Variants in COL22A1 observed in about 807,000 individuals in gnomAD.
COL22A1 encodes collagen type XXII alpha 1 chain.
In COL22A1, 221 loss-of-function variants were observed where a neutral mutation model predicts 248.9. That is an observed-to-expected ratio of 0.89 (90% CI 0.80 to 0.99). The LOEUF (loss-of-function observed/expected upper bound fraction) is 0.99. COL22A1 is among the 50% of genes least tolerant of loss of function. The probability of loss-of-function intolerance (pLI) is 0.00; values close to 1 mark genes in which losing one functional copy is unlikely to be tolerated. For missense variants in COL22A1, 2,240 were observed against 2,179.0 expected (o/e 1.03, Z -0.56); for synonymous variants, 891 against 793.4 (o/e 1.12, Z -2.07).
At chr8:138,881,186 C>T (rs1000820387) in intron 2 of COL22A1, among the ~76,000 whole-genome samples, 20 of 151,620 alleles carry the variant, frequency 1.3e-4, no homozygotes, top group African/African-American at 4.8e-4. Context: ...TGTGCATTGG[C>T]TGTGCATTTG....
At chr8:138,879,709 A>AG (rs1161522950) in intron 2 of COL22A1, among the ~76,000 whole-genome samples, 29 of 146,836 alleles carry the variant, frequency 2.0e-4, no homozygotes, top group East Asian at 1.4e-3. Context: ...AAAAAAAAAA[A>AG]AAAAAGAAGA....
rs1166143202 is a variant in COL22A1, at chr8:138,679,751, C to T, written c.3013-75G>A. On this transcript the variant is annotated intron_variant, in intron 39 of 64. Transcript: ENST00000303045. Reference sequence around the variant, plus strand: ...AAGCACCTAAAATAATTCAGCCCCTCTGTTAGGTACTGGATCTATGCATCT... The same window carrying T: ...AAGCACCTAAAATAATTCAGCCCCTTTGTTAGGTACTGGATCTATGCATCT... The T allele has an allele frequency of 3.8e-6, 5 of 1,303,440 alleles. No homozygotes were observed. In the African/African-American group the frequency reaches 6.0e-5, roughly 16 times the overall value. 80.7% of individuals were successfully genotyped at this position (1,303,440 alleles called of 1,614,324 possible).
chr8:138,760,582 G>A lies in COL22A1; in HGVS notation c.1858-295C>T, dbSNP rs995306821. On this transcript the variant is annotated intron_variant, in intron 17 of 64. Coordinates refer to ENST00000303045, the MANE Select transcript of COL22A1 (RefSeq NM_152888.3). ...CTTCCTTAGGGATATGAGGGCCTGG[G>A]CAAGAGGAAGAAGAAGCACATAACC... Among the ~76,000 whole-genome samples the A allele has an allele frequency of 3.3e-5, 5 of 152,008 alleles. No individual in the cohort carries two copies. The South Asian group carries it at 6.2e-4, about 19-fold the overall frequency.
intron 9 of COL22A1, among the ~76,000 whole-genome samples, chr8:138,810,095 A>G (rs1182513139): frequency 1.3e-5 from 2 of 152,164 alleles, no homozygotes; most frequent in Admixed American, 1.3e-4. Flanking sequence ...TAAATGAATA[A>G]CTATTGAATG....
At chr8:138,646,504 C>A (rs4909439) in intron 47 of COL22A1, 125 bp downstream of exon 47, 1 of 668,126 alleles carries the variant, frequency 1.5e-6, no homozygotes, top group South Asian at 2.9e-5. Flanking sequence ...TGCTTAGACC[C>A]AGAACAGGGG....
intron 16 of COL22A1, among the ~76,000 whole-genome samples, chr8:138,774,745 G>T (rs1290416526): frequency 6.6e-6 from 1 of 152,202 alleles, no homozygotes; most frequent in Non-Finnish European, 1.5e-5. Context: ...TGAAAAACTG[G>T]AAACAATTGT....
intron 3 of COL22A1, among the ~76,000 whole-genome samples, chr8:138,863,850 T>C (rs907824539): frequency 3.3e-5 from 5 of 152,138 alleles, no homozygotes; most frequent in Non-Finnish European, 4.4e-5. Flanking sequence ...ATGCAGGAGA[T>C]TTTTGCTTGC....
At chr8:138,886,542 A>G (rs1041149794) in intron 1 of COL22A1, among the ~76,000 whole-genome samples, 1 of 152,246 alleles carries the variant, frequency 6.6e-6, no homozygotes, top group East Asian at 1.9e-4. Context: ...TTCTGAGCAT[A>G]GGATCATCCA....
chr8:138,767,227 G>T (rs1003981284), intron 16 of COL22A1, among the ~76,000 whole-genome samples: 4 of 152,202 alleles, frequency 2.6e-5, no homozygotes, highest in African/African-American at 9.7e-5. Context: ...CAGTCAGTTA[G>T]GCCAAACGAA....
chr8:138,780,404 G>A (rs559945387), intron 13 of COL22A1, among the ~76,000 whole-genome samples: 2 of 152,290 alleles, frequency 1.3e-5, no homozygotes, highest in African/African-American at 4.8e-5. Flanking sequence ...ATGTGTACTT[G>A]GATGCTTGGT....
At chr8:138,597,032 T>C in intron 61 of COL22A1, 62 bp from the exon 62 acceptor site, 1 of 1,453,554 alleles carries the variant, frequency 6.9e-7, no homozygotes, top group Non-Finnish European at 9.6e-7. Context: ...CTAAGAACCC[T>C]GAGGACTTGG....
chr8:138,636,828 A>G, intron 47 of COL22A1, 33 bp from the exon 48 acceptor site: 3 of 1,565,108 alleles, frequency 1.9e-6, no homozygotes, highest in Non-Finnish European at 2.6e-6. Context: ...GAAAGATGTC[A>G]CTGGAAATTT....
At chr8:138,898,313 A>G (rs1402005570) in intron 1 of COL22A1, among the ~76,000 whole-genome samples, 12 of 152,180 alleles carry the variant, frequency 7.9e-5, no homozygotes, top group Non-Finnish European at 1.8e-4. Flanking sequence ...TTCTCCAGAA[A>G]TGGAAACACC....
At chr8:138,787,805 G>T (rs1815671682) in intron 12 of COL22A1, among the ~76,000 whole-genome samples, 1 of 152,058 alleles carries the variant, frequency 6.6e-6, no homozygotes, top group Non-Finnish European at 1.5e-5. Context: ...CTTCCTCCAT[G>T]ATCTCATTTG....
At chr8:138,591,333 T>C (rs1332791064) in intron 64 of COL22A1, 91 bp downstream of exon 64, 20 of 793,288 alleles carry the variant, frequency 2.5e-5, no homozygotes, top group Non-Finnish European at 3.6e-5. Flanking sequence ...TCCTCTCCGC[T>C]CACTGCTGAG....
chr8:138,660,964 GCA>G (rs780914817), intron 43 of COL22A1, among the ~76,000 whole-genome samples: 1 of 123,152 alleles, frequency 8.1e-6, no homozygotes, highest in East Asian at 2.2e-4. Context: ...AGACACACAC[GCA>G]CACACACATA....
Position 138,602,075 on chromosome 8 carries a change from C to G in COL22A1, c.4185+40G>C, listed in dbSNP as rs749551709. On this transcript the variant is annotated intron_variant, in intron 60 of 64. Transcript: ENST00000303045. ...CATCCTGTGGCCACTGTGCAAAGGT[C>G]GCGTTCGGCGTGTTCAAGGTGCCTG... 9.9e-6 allele frequency: 16 copies of G among 1,612,142 alleles called. No homozygotes were observed. The East Asian group carries it at 2.7e-4, about 27-fold the overall frequency.
intron 3 of COL22A1, among the ~76,000 whole-genome samples, chr8:138,847,732 G>A (rs78159709): frequency 0.015 from 2,339 of 151,988 alleles, 58 homozygotes; most frequent in African/African-American, 0.051. Context: ...AATGTTTGGG[G>A]GACTGTCTAG....
intron 4 of COL22A1, among the ~76,000 whole-genome samples, chr8:138,838,741 A>G (rs140309600): frequency 1.5e-4 from 23 of 152,216 alleles, no homozygotes; most frequent in Admixed American, 7.8e-4. Flanking sequence ...GTTCCCGAGG[A>G]AAGCAGGCTG....
Sources: gnomAD v4.1 joint callset for allele counts (sites outside exome capture counted in the v4.1 genomes callset) on GRCh38, gnomAD v4.1.1 for gene constraint, MANE v1.5 for transcripts, NCBI Gene and HGNC (gene_info 2026-07-23, HGNC 2026-07-21) for gene names.